Variants in RXFP2 observed in about 807,000 individuals in gnomAD.
The protein encoded by RXFP2 is relaxin family peptide receptor 2, also known as relaxin receptor 2.
Under a neutral mutation model 88.6 loss-of-function variants are expected in RXFP2, and 68 were observed. The ratio of observed to expected loss-of-function variants is 0.77; its 90% CI spans 0.63 to 0.94. The LOEUF (loss-of-function observed/expected upper bound fraction) is 0.94. Among genes scored for constraint, RXFP2 ranks in the 40% least tolerant of loss-of-function variants. RXFP2 has a pLI of 0.00. For synonymous variants in RXFP2, 329 were observed against 306.8 expected (o/e 1.07, Z -0.76); for missense variants, 791 against 893.9 (o/e 0.88, Z 1.47).
intron 9 of RXFP2, among the ~76,000 whole-genome samples, chr13:31,780,474 T>C (rs1360101259): frequency 6.6e-6 from 1 of 152,204 alleles, no homozygotes; most frequent in African/African-American, 2.4e-5. Context: ...TCACAGTATA[T>C]TGTGTGAAAA....
intron 1 of RXFP2, among the ~76,000 whole-genome samples, chr13:31,757,257 T>G (rs547071172): frequency 6.6e-6 from 1 of 152,328 alleles, no homozygotes; most frequent in African/African-American, 2.4e-5. Context: ...GTGCAATGGC[T>G]AAGGGTGGGC....
At chr13:31,790,785 G>C (rs969751048) in intron 14 of RXFP2, among the ~76,000 whole-genome samples, 1 of 152,158 alleles carries the variant, frequency 6.6e-6, no homozygotes, top group South Asian at 2.1e-4. Context: ...AGTGACATTT[G>C]AGCAGACCTG....
At chr13:31,764,619 A>G (rs1872465958) in intron 3 of RXFP2, among the ~76,000 whole-genome samples, 1 of 152,256 alleles carries the variant, frequency 6.6e-6, no homozygotes, top group Non-Finnish European at 1.5e-5. Flanking sequence ...GAAGAAAAAA[A>G]ATGAATCTGA....
At chr13:31,749,200 G>T (rs1871558144) in intron 1 of RXFP2, among the ~76,000 whole-genome samples, 2 of 151,952 alleles carry the variant, frequency 1.3e-5, no homozygotes, top group South Asian at 4.2e-4. Context: ...TATCTATCTA[G>T]AATTGAGCAT....
At chr13:31,775,458 T>C in intron 7 of RXFP2, 69 bp downstream of exon 7, 1 of 1,089,680 alleles carries the variant, frequency 9.2e-7, no homozygotes, top group South Asian at 1.2e-5. Context: ...AGTGCTAATG[T>C]AGTTTCCACT....
chr13:31,784,757 G>C (rs1218761920), intron 11 of RXFP2, among the ~76,000 whole-genome samples: 1 of 152,114 alleles, frequency 6.6e-6, no homozygotes, highest in East Asian at 1.9e-4. Context: ...TCTTCACCTG[G>C]ACTTGCCATC....
At chr13:31,746,688 G>T (rs926928422) in intron 1 of RXFP2, among the ~76,000 whole-genome samples, 1 of 149,836 alleles carries the variant, frequency 6.7e-6, no homozygotes, top group Non-Finnish European at 1.5e-5. Context: ...ACATTGAATA[G>T]GTCATTGCCT....
At chr13:31,764,243 T>TCACA (rs56132108) in intron 3 of RXFP2, among the ~76,000 whole-genome samples, 17,670 of 131,576 alleles carry the variant, frequency 0.13, 1,165 homozygotes, top group Non-Finnish European at 0.15. Flanking sequence ...TCTCTCTCTT[T>TCACA]CACACACACA....
chr13:31,760,953 C>CTTTA (rs934903334), intron 2 of RXFP2, among the ~76,000 whole-genome samples: 7 of 151,628 alleles, frequency 4.6e-5, no homozygotes, highest in South Asian at 2.1e-4. Context: ...ACTCAAAAAC[C>CTTTA]TTTATTTATT....
chr13:31,748,165 C>A (rs548379171), intron 1 of RXFP2, among the ~76,000 whole-genome samples: 6 of 152,240 alleles, frequency 3.9e-5, no homozygotes, highest in African/African-American at 1.4e-4. Flanking sequence ...TGGCTTGGGG[C>A]TATTGTGAAT....
At chr13:31,755,041 G>C (rs765991194) in intron 1 of RXFP2, among the ~76,000 whole-genome samples, 1 of 152,326 alleles carries the variant, frequency 6.6e-6, no homozygotes, top group Non-Finnish European at 1.5e-5. Context: ...GCATCAGCTT[G>C]TCTAGTCCCC....
intron 1 of RXFP2, among the ~76,000 whole-genome samples, chr13:31,749,257 G>C (rs1295059013): frequency 6.6e-6 from 1 of 152,034 alleles, no homozygotes; most frequent in African/African-American, 2.4e-5. Flanking sequence ...ATATGTGTCT[G>C]TCTTCTTCCA....
At chr13:31,775,083 C>G (rs1182674846) in intron 6 of RXFP2, among the ~76,000 whole-genome samples, 3 of 152,198 alleles carry the variant, frequency 2.0e-5, no homozygotes, top group African/African-American at 7.2e-5. Context: ...TGTAATATCC[C>G]AAAACATTTT....
In RXFP2 at chr13:31,791,981, T is replaced by A. The variant is rs1196409691; in HGVS notation, c.1321T>A (p.Ser441Thr). 2.5e-6 allele frequency: 4 copies of A among 1,614,168 alleles called. No homozygotes were observed. Among genetic ancestry groups the A allele is most frequent in the East Asian group, 4.5e-5 (2 of 44,876 alleles). ...AAATCTTTTTGTCATTGGCATGAGA[T>A]CTTTCATTAAAGCTGAAAATACAAC... ...FGNLFVIGMR[S>T]FIKAENTTHA... The change falls in exon 15 of 18, where the codon TCT becomes ACT. Residue 441 changes from serine (S) to threonine (T), a missense_variant. Ser to Thr is a moderately conservative substitution (Grantham distance 58, BLOSUM62 1). Coordinates refer to ENST00000298386, the MANE Select transcript of RXFP2 (RefSeq NM_130806.5).
chr13:31,758,519 GGA>G, intron 2 of RXFP2, 115 bp downstream of exon 2: 3 of 1,274,120 alleles, frequency 2.4e-6, no homozygotes, highest in Non-Finnish European at 3.3e-6. Flanking sequence ...TGTTCTGTAG[GGA>G]TTTCCTTTGA....
intron 16 of RXFP2, 56 bp downstream of exon 16, chr13:31,793,144 A>C (rs765981461): frequency 1.8e-5 from 26 of 1,416,382 alleles, no homozygotes; most frequent in Non-Finnish European, 2.5e-5. Context: ...AAATACGTTA[A>C]ATTTCAGCAA....
chr13:31,754,400 G>A (rs531550362), intron 1 of RXFP2, among the ~76,000 whole-genome samples: 15 of 152,220 alleles, frequency 9.9e-5, no homozygotes, highest in South Asian at 2.1e-4. Context: ...GCGTGGTGGC[G>A]TGTGTCTGTA....
chr13:31,791,711 G>T, intron 14 of RXFP2, 95 bp from the exon 15 acceptor site: 1 of 840,914 alleles, frequency 1.2e-6, no homozygotes, highest in Non-Finnish European at 2.1e-6. Flanking sequence ...TAGTGAAGTT[G>T]TATACCTAGC....
chr13:31,745,752 TATG>T (rs1335572566), intron 1 of RXFP2, among the ~76,000 whole-genome samples: 2 of 152,188 alleles, frequency 1.3e-5, no homozygotes, highest in Non-Finnish European at 2.9e-5. Context: ...TGTGGAAGAG[TATG>T]ATGTGAGAGC....
Sources: gnomAD v4.1 joint callset for allele counts (sites outside exome capture counted in the v4.1 genomes callset) on GRCh38, gnomAD v4.1.1 for gene constraint, MANE v1.5 for transcripts, NCBI Gene and HGNC (gene_info 2026-07-23, HGNC 2026-07-21) for gene names.